Variants in DNAH14 observed in about 807,000 individuals in gnomAD.
DNAH14 encodes axonemal beta dynein heavy chain 14.
In DNAH14, 478 loss-of-function variants were observed where a neutral mutation model predicts 520.9. That is an observed-to-expected ratio of 0.92 (90% CI 0.85 to 0.99). The LOEUF is 0.99. Among genes scored for constraint, DNAH14 ranks in the 50% least tolerant of loss-of-function variants. The probability of loss-of-function intolerance (pLI) is 0.00; values close to 1 mark genes in which losing one functional copy is unlikely to be tolerated. For missense variants in DNAH14, 4,831 were observed against 5,234.5 expected, an observed-to-expected ratio of 0.92 and a Z score of 2.38; for synonymous variants, 1,581 against 1,757.2, an observed-to-expected ratio of 0.90 and a Z score of 2.51.
intron 1 of DNAH14, among the ~76,000 whole-genome samples, chr1:224,945,698 T>G (rs542613075): frequency 6.6e-6 from 1 of 152,408 alleles, no homozygotes; most frequent in East Asian, 1.9e-4. Flanking sequence ...TTGTTAGTTT[T>G]CCTTCCAACA....
chr1:225,274,194 G>A (rs1302487716), intron 52 of DNAH14, among the ~76,000 whole-genome samples: 1 of 120,352 alleles, frequency 8.3e-6, no homozygotes, highest in Non-Finnish European at 1.7e-5. Flanking sequence ...ACCAGCATCT[G>A]TTATTTTTTT....
intron 12 of DNAH14, among the ~76,000 whole-genome samples, chr1:225,041,445 A>C (rs1030687945): frequency 3.3e-5 from 5 of 152,336 alleles, no homozygotes; most frequent in Middle Eastern, 3.4e-3. Flanking sequence ...TCTTGTTGTC[A>C]CAAAAAGTGT....
rs370572043 is a variant in DNAH14 at position 225,300,037 on chromosome 1, A to G, written c.8470-832A>G. ...TCTTGGATTTATTCTCAAAAGCAAA[A>G]TGTCCTTACATTTATAATAACTCTT... is the stretch of plus-strand genomic sequence containing the variant. On this transcript the variant is annotated intron_variant, in intron 55 of 85. Coordinates refer to ENST00000682510, the MANE Select transcript of DNAH14 (RefSeq NM_001367479.1). 1.1e-4 allele frequency among the ~76,000 whole-genome samples: 17 copies of G among 152,168 alleles called. 1 individual carries two copies. The highest frequency in any genetic ancestry group is 7.7e-4 in the East Asian group (4 of 5,186).
chr1:225,142,232 T>C (rs181787271), intron 28 of DNAH14, among the ~76,000 whole-genome samples: 8 of 152,268 alleles, frequency 5.3e-5, no homozygotes, highest in Admixed American at 4.6e-4. Context: ...AAAGGTAAAC[T>C]AGAAAAGAGA....
chr1:225,367,426 G>A (rs760127647), intron 76 of DNAH14, among the ~76,000 whole-genome samples: 2 of 152,138 alleles, frequency 1.3e-5, no homozygotes, highest in African/African-American at 2.4e-5. Flanking sequence ...CTGCTACCTC[G>A]CAGAGGCCAT....
At chr1:225,200,924 T>A (rs1236930962) in intron 38 of DNAH14, among the ~76,000 whole-genome samples, 1 of 152,148 alleles carries the variant, frequency 6.6e-6, no homozygotes, top group Non-Finnish European at 1.5e-5. Context: ...TGGTGAAGTT[T>A]TCCTCGATTA....
intron 8 of DNAH14, among the ~76,000 whole-genome samples, chr1:224,995,256 G>T (rs1330128599): frequency 6.6e-6 from 1 of 151,958 alleles, no homozygotes; most frequent in Non-Finnish European, 1.5e-5. Flanking sequence ...GCATTTATTT[G>T]TCTGGGAAAG....
chr1:225,171,790 T>C (rs2082702668), intron 36 of DNAH14, among the ~76,000 whole-genome samples: 1 of 152,310 alleles, frequency 6.6e-6, no homozygotes, highest in Non-Finnish European at 1.5e-5. Flanking sequence ...ATCATCCTGA[T>C]ACCAAAGCCT....
intron 19 of DNAH14, 138 bp downstream of exon 19, chr1:225,080,886 A>T (rs948233876): frequency 1.1e-5 from 9 of 853,938 alleles, no homozygotes; most frequent in Non-Finnish European, 1.3e-5. Flanking sequence ...ATACAGGAGT[A>T]TAGGTAGGAA....
chr1:224,936,403 A>G (rs912414898), intron 1 of DNAH14, among the ~76,000 whole-genome samples: 7 of 151,888 alleles, frequency 4.6e-5, no homozygotes, highest in Non-Finnish European at 1.0e-4. Flanking sequence ...CTGATACCAA[A>G]GAAATATAAA....
At chr1:225,044,240 A>G (rs1572665154) in intron 15 of DNAH14, among the ~76,000 whole-genome samples, 2 of 152,188 alleles carry the variant, frequency 1.3e-5, no homozygotes, top group East Asian at 3.8e-4. Flanking sequence ...GTTACATTCT[A>G]TAGAATGTTA....
chr1:225,282,184 C>G (rs1456481987), intron 54 of DNAH14, among the ~76,000 whole-genome samples: 1 of 152,192 alleles, frequency 6.6e-6, no homozygotes, highest in African/African-American at 2.4e-5. Flanking sequence ...CAGGGCCAAA[C>G]ACACCGATGG....
intron 17 of DNAH14, among the ~76,000 whole-genome samples, chr1:225,075,915 T>C (rs1462240059): frequency 3.3e-5 from 5 of 152,358 alleles, no homozygotes; most frequent in Non-Finnish European, 7.3e-5. Context: ...AGTCAGCCTA[T>C]CCAGATATTC....
intron 32 of DNAH14, 130 bp downstream of exon 32, chr1:225,152,203 C>T (rs2080569031): frequency 5.6e-6 from 4 of 708,946 alleles, no homozygotes; most frequent in Non-Finnish European, 9.4e-6. Context: ...TGAACACTTC[C>T]ACTCCCAACA....
intron 60 of DNAH14, among the ~76,000 whole-genome samples, chr1:225,309,555 T>G (rs1035438074): frequency 1.3e-5 from 2 of 152,156 alleles, no homozygotes; most frequent in African/African-American, 4.8e-5. Flanking sequence ...CCAGAACTTC[T>G]GCAATGCCAA....
intron 23 of DNAH14, among the ~76,000 whole-genome samples, chr1:225,110,737 G>A (rs1488171294): frequency 2.0e-5 from 3 of 151,478 alleles, no homozygotes; most frequent in Non-Finnish European, 4.4e-5. Flanking sequence ...TTTAAGATGC[G>A]TTTTTAAGTT....
intron 8 of DNAH14, among the ~76,000 whole-genome samples, chr1:224,994,428 A>G (rs1283316115): frequency 6.6e-6 from 1 of 151,620 alleles, no homozygotes; most frequent in African/African-American, 2.4e-5. Flanking sequence ...ATTTAATGTC[A>G]TTTTTCATCT....
intron 1 of DNAH14, among the ~76,000 whole-genome samples, chr1:224,931,906 CAATA>C (rs2058720388): frequency 6.6e-6 from 1 of 152,130 alleles, no homozygotes. Flanking sequence ...AATACTGCTG[CAATA>C]AATGTGTGAG....
At chr1:225,211,565 G>A (rs2088415246) in intron 41 of DNAH14, among the ~76,000 whole-genome samples, 1 of 152,070 alleles carries the variant, frequency 6.6e-6, no homozygotes, top group Non-Finnish European at 1.5e-5. Flanking sequence ...GAACCAAGCT[G>A]GAAAACACTC....
Sources: gnomAD v4.1 joint callset for allele counts (sites outside exome capture counted in the v4.1 genomes callset) on GRCh38, gnomAD v4.1.1 for gene constraint, MANE v1.5 for transcripts, NCBI Gene and HGNC (gene_info 2026-07-23, HGNC 2026-07-21) for gene names.